The following DYRK4 variants were observed in gnomAD, a reference collection of about 807,000 sequenced individuals.
The protein encoded by DYRK4 is dual specificity tyrosine-phosphorylation-regulated kinase 4.
DYRK4 carries 64 observed loss-of-function variants against 68.3 expected under a neutral mutation model. The observed-to-expected ratio is 0.94, with a 90% CI of 0.77 to 1.15. DYRK4 has a LOEUF of 1.15. Among genes scored for constraint, DYRK4 ranks in the 50% most tolerant of loss-of-function variants. The probability of loss-of-function intolerance (pLI) is 0.00; values close to 1 mark genes in which losing one functional copy is unlikely to be tolerated. For synonymous variants in DYRK4, 274 were observed against 289.9 expected (o/e 0.95, Z 0.56); for missense variants, 740 against 764.7 (o/e 0.97, Z 0.38).
In DYRK4 at chr12:4,612,419, A is replaced by G. The variant is rs367627723; in HGVS notation, c.1491-124A>G. 8 of 1,016,088 alleles carry G rather than the reference A, an allele frequency of 7.9e-6. No homozygotes were observed. The East Asian group carries it at 1.3e-4, about 17-fold the overall frequency. The allele number at this position is 1,016,088 out of a possible 1,614,324, so 62.9% of individuals were successfully genotyped here. ...AGTTATATGCCATAATCTCTGTTCT[A>G]TGATTATATATCTTTGAGATATCAA... On this transcript the variant is annotated intron_variant, in intron 13 of 14. Transcript: ENST00000543431.
intron 10 of DYRK4, 39 bp from the exon 11 acceptor site, chr12:4,604,875 A>G: frequency 1.3e-6 from 2 of 1,533,812 alleles, no homozygotes; most frequent in Non-Finnish European, 1.8e-6. Flanking sequence ...GAGGGTAAGA[A>G]GTTTGTCCCA....
At chr12:4,562,317 G>A (rs1944634487) in intron 1 of DYRK4, 34 bp downstream of exon 1, 2 of 1,527,580 alleles carry the variant, frequency 1.3e-6, no homozygotes, top group South Asian at 2.4e-5. Flanking sequence ...TTCACGAGCA[G>A]TCAGGCGCGA....
Position 4,582,836 on chromosome 12 carries a change from A to T in DYRK4, c.133-6101A>T, listed in dbSNP as rs550486930. ...GCCAAAAGGCAGGGGTAGGGCCATG[A>T]CAAGGGTTGAGGCTGGGGGCGCTTT... On this transcript the variant is annotated intron_variant, in intron 2 of 14. Coordinates refer to ENST00000543431, the MANE Select transcript of DYRK4 (RefSeq NM_001394779.1). 4.0e-5 allele frequency among the ~76,000 whole-genome samples: 6 copies of T among 151,760 alleles called. No individual in the cohort carries two copies. The East Asian group carries it at 9.7e-4, about 25-fold the overall frequency.
chr12:4,569,929 AT>A (rs1359462635), intron 2 of DYRK4, among the ~76,000 whole-genome samples: 1 of 151,828 alleles, frequency 6.6e-6, no homozygotes, highest in East Asian at 1.9e-4. Context: ...AGTCCGGGGC[AT>A]GAGGATTCAC....
At chr12:4,601,128 G>T (rs1002990434) in intron 10 of DYRK4, among the ~76,000 whole-genome samples, 9 of 152,098 alleles carry the variant, frequency 5.9e-5, no homozygotes, top group African/African-American at 2.2e-4. Flanking sequence ...AAAACTAGGG[G>T]TAAAGTCCTA....
chr12:4,566,138 G>T (rs10444478), intron 1 of DYRK4, among the ~76,000 whole-genome samples: 11 of 152,104 alleles, frequency 7.2e-5, no homozygotes, highest in Non-Finnish European at 1.5e-4. Flanking sequence ...TCAGTGCCTT[G>T]GTTGAGGCTC....
At chr12:4,611,141 G>A (rs1267466210) in intron 13 of DYRK4, among the ~76,000 whole-genome samples, 1 of 152,194 alleles carries the variant, frequency 6.6e-6, no homozygotes, top group Non-Finnish European at 1.5e-5. Context: ...GTTGGATGGA[G>A]TGATGTTATC....
intron 2 of DYRK4, among the ~76,000 whole-genome samples, chr12:4,584,552 C>CTTTTTTTTTTT (rs35018398): frequency 9.6e-6 from 1 of 103,884 alleles, no homozygotes; most frequent in African/African-American, 3.6e-5. Context: ...TCTAATCAGC[C>CTTTTTTTTTTT]TTTTTTTTTT....
At position 4,597,025 on chromosome 12, in the gene DYRK4, C is replaced by A. The variant is rs951336856; in HGVS notation, c.905+296C>A. 3.3e-6 allele frequency: 4 copies of A among 1,213,036 alleles called. No homozygotes were observed. In the African/African-American group the frequency reaches 6.4e-5, roughly 20 times the overall value. 75.1% of individuals were successfully genotyped at this position (1,213,036 alleles called of 1,614,324 possible). On this transcript the variant is annotated intron_variant, in intron 8 of 14. Coordinates refer to ENST00000543431, the MANE Select transcript of DYRK4 (RefSeq NM_001394779.1). ...TCCTTAAGAGCTAAACTGAAATAGT[C>A]AAAAAGGACATTTCTTTGTTTGCAG...
At chr12:4,599,936 A>G (rs1387394961) in intron 10 of DYRK4, 148 bp downstream of exon 10, 2 of 645,416 alleles carry the variant, frequency 3.1e-6, no homozygotes, top group South Asian at 1.9e-5. Context: ...TCTGAGCCCA[A>G]GTTGCCTCAT....
intron 6 of DYRK4, 149 bp from the exon 7 acceptor site, chr12:4,596,000 T>TGA (rs1945013464): frequency 1.2e-6 from 1 of 821,780 alleles, no homozygotes; most frequent in Non-Finnish European, 1.9e-6. Context: ...CGCAATGAGA[T>TGA]GAGGGCGAGA....
chr12:4,563,217 G>A (rs1036275422), intron 1 of DYRK4: 1 of 450,222 alleles, frequency 2.2e-6, no homozygotes, highest in Admixed American at 2.4e-5. Context: ...CTTCAAACAT[G>A]CACTCTACCT....
intron 4 of DYRK4, 183 bp downstream of exon 4, chr12:4,590,623 T>C: frequency 7.8e-7 from 1 of 1,285,804 alleles, no homozygotes; most frequent in South Asian, 2.4e-5. Flanking sequence ...CTTGACCTTT[T>C]CTTAGCTACA....
chr12:4,613,446 C>T lies in DYRK4; in HGVS notation c.1667-69C>T. 1 of 1,539,714 alleles carries T rather than the reference C, an allele frequency of 6.5e-7. No individual in the cohort carries two copies. Among genetic ancestry groups the T allele is most frequent in the East Asian group, 2.3e-5 (1 of 43,974 alleles). On this transcript the variant is annotated intron_variant, in intron 14 of 14. Coordinates refer to ENST00000543431, the MANE Select transcript of DYRK4 (RefSeq NM_001394779.1). This position sits in a 1 kb window ranked among gnomAD's most constrained non-coding sequence, Gnocchi z 4.0. Reference sequence around the variant, plus strand: ...TCGTTTCCACTAAGTGATGTACAACCTAAAGGACAATTAACATATAATCCA... The same window carrying T: ...TCGTTTCCACTAAGTGATGTACAACTTAAAGGACAATTAACATATAATCCA...
Position 4,591,417 on chromosome 12 carries a change from C to G in DYRK4, c.463+119C>G, listed in dbSNP as rs577615742. The G allele has an allele frequency of 7.2e-7, 1 of 1,384,372 alleles. No homozygotes were observed. The highest frequency in any genetic ancestry group is 9.7e-7 in the Non-Finnish European group (1 of 1,031,150). 85.8% of individuals were successfully genotyped at this position (1,384,372 alleles called of 1,614,324 possible). A position where few individuals can be genotyped will look rare whatever the true frequency, so the allele number is the denominator to read the frequency against. ...GTGTCAGAGTAGTCAAAGAAGGCAG[C>G]CAGCCAAGAGGAAAGTAGAAGTTAA... On this transcript the variant is annotated intron_variant, in intron 5 of 14. Coordinates refer to ENST00000543431, the MANE Select transcript of DYRK4 (RefSeq NM_001394779.1). The surrounding 1 kb of genome is among the most constrained non-coding windows in gnomAD (Gnocchi z 4.1).
intron 2 of DYRK4, among the ~76,000 whole-genome samples, chr12:4,575,301 G>T (rs567627432): frequency 2.3e-5 from 3 of 128,420 alleles, no homozygotes; most frequent in Admixed American, 9.6e-5. Context: ...ATAACTTACT[G>T]TGTGTGTGTG....
chr12:4,612,710 G>A lies in DYRK4; in HGVS notation c.1658G>A (p.Ser553Asn), dbSNP rs763109309. 4 of 1,614,122 alleles carry A rather than the reference G, an allele frequency of 2.5e-6. No individual in the cohort carries two copies. Among genetic ancestry groups the A allele is most frequent in the Non-Finnish European group, 3.4e-6 (4 of 1,180,008 alleles). The stretch of plus-strand genomic sequence containing the variant: ...AAGGTTCAAGGCTGTCATCACTCGA[G>A]CAGAAAAGGTACAGCCTGTCAAATA... ...KDKVQGCHHS[S>N]RKDEITKETT... is the part of the protein sequence containing the mutation. The change falls in exon 14 of 15, where the codon AGC (serine) becomes AAC (asparagine). Residue 553 changes from serine to asparagine, a missense_variant. By Grantham distance (46) the Ser-to-Asn change is conservative. Transcript: ENST00000543431.
At chr12:4,604,790 G>A in intron 10 of DYRK4, 124 bp from the exon 11 acceptor site, 1 of 1,219,684 alleles carries the variant, frequency 8.2e-7, no homozygotes. Context: ...CTAAGTGCTG[G>A]CCAGCTGCAC....
rs375246585 is a variant in DYRK4 at position 4,596,770 on chromosome 12, G to A, written c.905+41G>A. 3 of 1,608,862 alleles carry A rather than the reference G, an allele frequency of 1.9e-6. No individual in the cohort carries two copies. In the African/African-American group the frequency reaches 4.0e-5, roughly 22 times the overall value. On this transcript the variant is annotated intron_variant, in intron 8 of 14. Transcript: ENST00000543431. ...TTCTTAACTCATTTTCTCTGGAAAAGTTACCTAAGTGATAGTTTTTGAGGT... is the reference window on the plus strand; with the variant it reads ...TTCTTAACTCATTTTCTCTGGAAAAATTACCTAAGTGATAGTTTTTGAGGT...
Sources: gnomAD v4.1 joint callset for allele counts (sites outside exome capture counted in the v4.1 genomes callset) on GRCh38, gnomAD v4.1.1 for gene constraint, Gnocchi (gnomAD v3.1) non-coding constraint, MANE v1.5 for transcripts, NCBI Gene and HGNC (gene_info 2026-07-23, HGNC 2026-07-21) for gene names.